NBPF20: variants seen among roughly 807,000 people sequenced by gnomAD.
NBPF20 encodes NBPF member 20.
Under a neutral mutation model 68.1 loss-of-function variants are expected in NBPF20, and 90 were observed. That is an observed-to-expected ratio of 1.32 (90% CI 1.11 to 1.58). The LOEUF (loss-of-function observed/expected upper bound fraction) is 1.58. Among genes scored for constraint, NBPF20 ranks in the 40% most tolerant of loss-of-function variants. The pLI is 0.00. For synonymous variants in NBPF20, 290 were observed against 228.1 expected (o/e 1.27, Z -2.45); for missense variants, 816 against 601.2 (o/e 1.36, Z -3.74).
intron 9 of NBPF20, 170 bp downstream of exon 14, chr1:145,393,714 A>G: frequency 1.3e-6 from 2 of 1,490,118 alleles, no homozygotes; most frequent in Non-Finnish European, 1.8e-6. Context: ...GTAGGAAGAA[A>G]TGGAAACCTA....
intron 3 of NBPF20, among the ~76,000 whole-genome samples, chr1:145,402,944 A>C (rs1285273607): frequency 3.3e-5 from 5 of 151,636 alleles, no homozygotes; most frequent in South Asian, 4.2e-4. Context: ...TGTGTGGTTC[A>C]CACTCCTTTG....
At chr1:145,412,390 T>C in the NBPF20 span, among the ~76,000 whole-genome samples, 1 of 152,088 alleles carries the variant, frequency 6.6e-6, no homozygotes, top group Admixed American at 6.6e-5. Context: ...ACCAATTCTA[T>C]GACCATCTGT....
chr1:145,377,739 G>A (rs1661833219), intron 29 of NBPF20, among the ~76,000 whole-genome samples: 2 of 88,742 alleles, frequency 2.3e-5, no homozygotes, highest in Admixed American at 1.5e-4. Context: ...GTGCCCTCGG[G>A]ACACACAGCG....
intron 6 of NBPF20, among the ~76,000 whole-genome samples, chr1:145,399,732 G>A (rs1662423628): frequency 7.6e-6 from 1 of 132,066 alleles, no homozygotes; most frequent in African/African-American, 3.0e-5. Flanking sequence ...AGCCAAGATG[G>A]TGCCACTGCA....
intron 6 of NBPF20, 74 bp downstream of exon 11, chr1:145,400,315 T>G (rs1318315722): frequency 1.2e-4 from 197 of 1,602,420 alleles, no homozygotes; most frequent in Middle Eastern, 2.3e-4. Flanking sequence ...AATTTGTGTT[T>G]ATAGAGCCTG....
intron 9 of NBPF20, 122 bp downstream of exon 14, chr1:145,393,762 A>T (rs1662064357): frequency 6.6e-7 from 1 of 1,504,554 alleles, no homozygotes; most frequent in Non-Finnish European, 9.1e-7. Flanking sequence ...GCAATGTAGT[A>T]GGCATAATTC....
chr1:145,395,245 A>T, intron 7 of NBPF20, 104 bp from the exon 13 acceptor site: 1 of 898,022 alleles, frequency 1.1e-6, no homozygotes, highest in Non-Finnish European at 1.7e-6. Flanking sequence ...GAGTGGTCAC[A>T]GAAACCAAAG....
rs1251877279 is a variant in NBPF20, at chr1:145,298,313, G to T, written c.15684-179C>A. Among the ~76,000 whole-genome samples the T allele has an allele frequency of 1.5e-4, 20 of 134,638 alleles. No individual in the cohort carries two copies. The East Asian group carries it at 3.5e-3, about 24-fold the overall frequency. 88.3% of individuals were successfully genotyped at this position (134,638 alleles called of 152,430 possible). ...AGAACAGGGCCAAATGGAAAAGAAT[G>T]AAAGAGAAAGACAGATAGACACACA... On this transcript the variant is annotated intron_variant, in intron 129 of 137. Transcript: ENST00000369373.
chr1:145,342,859 G>C (rs1661632959), intron 73 of NBPF20, among the ~76,000 whole-genome samples: 1 of 73,868 alleles, frequency 1.4e-5, no homozygotes, highest in Non-Finnish European at 2.6e-5. Context: ...ACTGATGAGG[G>C]AGTAACAGGA....
exon 138 of NBPF20, chr1:145,291,300 G>A (rs1369440892): frequency 5.6e-5 from 38 of 678,134 alleles, no homozygotes; most frequent in Admixed American, 1.2e-4. Context: ...GATCACTCCC[G>A]GCATGTGCTG....
the NBPF20 span, among the ~76,000 whole-genome samples, chr1:145,425,257 G>T: frequency 1.8e-5 from 2 of 112,098 alleles, no homozygotes; most frequent in Admixed American, 2.4e-4. Flanking sequence ...GCCCTCCGTC[G>T]CTCGCAACAA....
At chr1:145,334,931 C>T (rs1340040049) in intron 83 of NBPF20, among the ~76,000 whole-genome samples, 3 of 125,168 alleles carry the variant, frequency 2.4e-5, no homozygotes, top group East Asian at 2.4e-4. Flanking sequence ...TGAGTTAGTG[C>T]CCTCGGGACA....
At chr1:145,294,710 C>T (rs1661251268) in intron 134 of NBPF20, 72 bp downstream of exon 139, 181 of 141,652 alleles carry the variant, frequency 1.3e-3, no homozygotes, top group South Asian at 2.0e-3. Flanking sequence ...GTAAGGGCCA[C>T]TTGGAACAGG....
chr1:145,410,734 CTG>C, the NBPF20 span, among the ~76,000 whole-genome samples: 1 of 128,792 alleles, frequency 7.8e-6, no homozygotes, highest in African/African-American at 3.0e-5. Flanking sequence ...GTGTGCCTGT[CTG>C]TGTATATATA....
chr1:145,415,693 C>T, the NBPF20 span, among the ~76,000 whole-genome samples: 1 of 151,694 alleles, frequency 6.6e-6, no homozygotes, highest in Non-Finnish European at 1.5e-5. Flanking sequence ...CAGCCCATGT[C>T]TTAGGGAGCA....
Position 145,378,038 on chromosome 1 carries a change from GT to G in NBPF20, c.3464+4del. On this transcript the variant is annotated splice_donor_region_variant and intron_variant, in intron 29 of 137. Coordinates refer to ENST00000369373, the Ensembl canonical transcript of NBPF20. ...AATTAAGCATCCATAATTGCTCAAA[GT>G]TACCTGGGGCATGATGGGTCTTGGT... is the stretch of plus-strand genomic sequence containing the variant. 2.4e-6 allele frequency: 1 copy of G among 418,658 alleles called. No individual in the cohort carries two copies. The highest frequency in any genetic ancestry group is 3.8e-5 in the Admixed American group (1 of 26,340). The allele number at this position is 418,658 out of a possible 1,614,324, so 25.9% of individuals were successfully genotyped here.
chr1:145,394,617 G>A (rs1266188833), intron 8 of NBPF20, among the ~76,000 whole-genome samples: 2 of 152,032 alleles, frequency 1.3e-5, no homozygotes, highest in African/African-American at 4.8e-5. Flanking sequence ...AAACTCATAA[G>A]GAATTTTGTA....
At chr1:145,411,441 G>A in the NBPF20 span, among the ~76,000 whole-genome samples, 1 of 117,474 alleles carries the variant, frequency 8.5e-6, no homozygotes, top group Non-Finnish European at 1.8e-5. Flanking sequence ...ACCCAGGCTG[G>A]AGTGCAGTGA....
chr1:145,411,309 T>G, the NBPF20 span, among the ~76,000 whole-genome samples: 1 of 151,218 alleles, frequency 6.6e-6, no homozygotes, highest in Non-Finnish European at 1.5e-5. Context: ...ATTTAGTTCT[T>G]TCATAATTTC....
Sources: allele counts gnomAD v4.1 joint callset (sites outside exome capture counted in the v4.1 genomes callset), GRCh38; gene constraint gnomAD v4.1.1; transcripts MANE v1.5; gene names NCBI Gene and HGNC (gene_info 2026-07-23, HGNC 2026-07-21).